Variants in ZNF385D observed in about 807,000 individuals in gnomAD.
ZNF385D encodes the protein zinc finger protein 659.
Under a neutral mutation model 35.8 loss-of-function variants are expected in ZNF385D, and 15 were observed. That is an observed-to-expected ratio of 0.42 (90% CI 0.28 to 0.64). The LOEUF is 0.64. Ranked by LOEUF, ZNF385D falls within the 30% of genes least tolerant of loss-of-function variation. ZNF385D has a pLI of 0.23. For synonymous variants in ZNF385D, 212 were observed against 186.8 expected, an observed-to-expected ratio of 1.13 and a Z score of -1.10; for missense variants, 474 against 494.6, an observed-to-expected ratio of 0.96 and a Z score of 0.39.
At chr3:21,914,974 G>A (rs1377282926) in intron 3 of ZNF385D, among the ~76,000 whole-genome samples, 4 of 150,094 alleles carry the variant, frequency 2.7e-5, no homozygotes, top group Non-Finnish European at 5.9e-5. Flanking sequence ...CCACAAGCAC[G>A]AGGAAAAGTT....
chr3:22,063,519 C>G (rs1257269072), intron 3 of ZNF385D, among the ~76,000 whole-genome samples: 1 of 152,028 alleles, frequency 6.6e-6, no homozygotes, highest in Non-Finnish European at 1.5e-5. Flanking sequence ...CTTGAGAAGC[C>G]CACTAAAGCC....
intron 3 of ZNF385D, among the ~76,000 whole-genome samples, chr3:21,998,116 C>A (rs761388657): frequency 6.6e-6 from 1 of 152,048 alleles, no homozygotes; most frequent in Non-Finnish European, 1.5e-5. Flanking sequence ...CATGACGGTG[C>A]CTGGAAGTTA....
intron 3 of ZNF385D, among the ~76,000 whole-genome samples, chr3:22,019,872 A>G (rs2125453100): frequency 6.6e-6 from 1 of 150,386 alleles, no homozygotes; most frequent in South Asian, 2.1e-4. Flanking sequence ...CTCTATGTAT[A>G]AAGTCTCTAA....
At chr3:21,999,719 CAGA>C (rs1270735556) in intron 3 of ZNF385D, among the ~76,000 whole-genome samples, 2 of 148,534 alleles carry the variant, frequency 1.3e-5, no homozygotes, top group African/African-American at 5.0e-5. Flanking sequence ...CTAGATTAAG[CAGA>C]AGAATTTCTA....
chr3:21,413,804 G>T lies in ZNF385D; in HGVS notation c.*7410C>A, dbSNP rs543413860. 97 of 152,118 alleles carry T rather than the reference G, an allele frequency of 6.4e-4. No homozygotes were observed. The highest frequency in any genetic ancestry group is 2.2e-3 in the African/African-American group (92 of 41,492). 9.4% of individuals were successfully genotyped at this position (152,118 alleles called of 1,614,324 possible). ...TAAGCTTGGTTGTCAAAAGAACACTGCCTTCAATTTATAGTCACTAAATGC... is the reference window on the plus strand; with the variant it reads ...TAAGCTTGGTTGTCAAAAGAACACTTCCTTCAATTTATAGTCACTAAATGC... On this transcript the variant is annotated 3_prime_UTR_variant, in exon 8 of 8. Transcript: ENST00000281523.
chr3:21,660,113 C>G (rs963073562), intron 2 of ZNF385D, among the ~76,000 whole-genome samples: 2 of 148,862 alleles, frequency 1.3e-5, no homozygotes, highest in Non-Finnish European at 3.0e-5. Flanking sequence ...CTCTCTCTGT[C>G]TCTCTCTCTT....
intron 3 of ZNF385D, among the ~76,000 whole-genome samples, chr3:22,076,300 GT>G (rs1380469226): frequency 6.6e-6 from 1 of 151,842 alleles, no homozygotes; most frequent in East Asian, 1.9e-4. Flanking sequence ...GACTTCTCAT[GT>G]CCTACCCACT....
chr3:21,735,566 A>G (rs2069203852), intron 1 of ZNF385D, among the ~76,000 whole-genome samples: 2 of 152,232 alleles, frequency 1.3e-5, no homozygotes. Context: ...CACAGTCACC[A>G]GGATGGGGGA....
chr3:22,126,014 A>G (rs968632722), intron 3 of ZNF385D, among the ~76,000 whole-genome samples: 1 of 151,924 alleles, frequency 6.6e-6, no homozygotes, highest in African/African-American at 2.4e-5. Context: ...AAAGCTTTTA[A>G]TTTTTTTCCA....
chr3:22,051,119 A>T (rs1699322183), intron 3 of ZNF385D, among the ~76,000 whole-genome samples: 1 of 22,596 alleles, frequency 4.4e-5, no homozygotes, highest in Non-Finnish European at 8.5e-5. Flanking sequence ...CCCATTATTA[A>T]TGTGTGGGAG....
rs148784327 is a variant in ZNF385D, at chr3:21,734,458, C to A, written c.22+16437G>T. Among the ~76,000 whole-genome samples, 186 of 151,454 alleles carry A rather than the reference C, an allele frequency of 1.2e-3. 2 individuals carry two copies. The highest frequency in any genetic ancestry group is 7.4e-4 in the Non-Finnish European group (50 of 67,932). ...TTGATGAATTTGTGAGATTTATATG[C>A]TCTTATATAAGATATTTCAAAGACA... On this transcript the variant is annotated intron_variant, in intron 1 of 7. Coordinates refer to ENST00000281523, the MANE Select transcript of ZNF385D (RefSeq NM_024697.3).
chr3:22,099,832 G>T (rs547718346), intron 3 of ZNF385D, among the ~76,000 whole-genome samples: 1 of 152,016 alleles, frequency 6.6e-6, no homozygotes, highest in South Asian at 2.1e-4. Flanking sequence ...GGCTACTACT[G>T]TAAGAATGAA....
chr3:22,339,059 G>T (rs1184375303), intron 2 of ZNF385D, among the ~76,000 whole-genome samples: 2 of 152,046 alleles, frequency 1.3e-5, no homozygotes, highest in African/African-American at 4.8e-5. Flanking sequence ...ATAGAGAGAT[G>T]ATAGGCACAT....
chr3:21,875,188 A>T (rs1389832474), intron 3 of ZNF385D, among the ~76,000 whole-genome samples: 1 of 152,102 alleles, frequency 6.6e-6, no homozygotes, highest in East Asian at 1.9e-4. Flanking sequence ...AGACCATGTC[A>T]TCTAGAAACA....
chr3:21,907,794 T>G (rs1699755738), intron 3 of ZNF385D, among the ~76,000 whole-genome samples: 1 of 152,140 alleles, frequency 6.6e-6, no homozygotes, highest in Non-Finnish European at 1.5e-5. Flanking sequence ...ACAATTTTAC[T>G]ACAGATTGTT....
intron 3 of ZNF385D, among the ~76,000 whole-genome samples, chr3:22,093,761 T>C (rs1310342256): frequency 6.6e-6 from 1 of 152,190 alleles, no homozygotes; most frequent in South Asian, 2.1e-4. Context: ...ATAATTATTA[T>C]GGTCTATAAT....
chr3:22,065,372 C>A (rs951849882), intron 3 of ZNF385D, among the ~76,000 whole-genome samples: 4 of 152,182 alleles, frequency 2.6e-5, no homozygotes, highest in African/African-American at 9.7e-5. Context: ...CAACACAGTG[C>A]TGGGGACTTG....
chr3:22,346,462 G>A (rs1695663813), intron 2 of ZNF385D, among the ~76,000 whole-genome samples: 2 of 152,132 alleles, frequency 1.3e-5, no homozygotes. Context: ...ATTATGTGAA[G>A]TGCTTTTATA....
chr3:21,723,203 A>G (rs1449469816), intron 1 of ZNF385D, among the ~76,000 whole-genome samples: 1 of 152,216 alleles, frequency 6.6e-6, no homozygotes, highest in Non-Finnish European at 1.5e-5. Flanking sequence ...AGAAACCAGC[A>G]CAAAAAGGGT....
Sources: allele counts gnomAD v4.1 joint callset (sites outside exome capture counted in the v4.1 genomes callset), GRCh38; gene constraint gnomAD v4.1.1; transcripts MANE v1.5; gene names NCBI Gene and HGNC (gene_info 2026-07-23, HGNC 2026-07-21).